Variants in KYNU observed in about 807,000 individuals in gnomAD.
KYNU encodes the protein kynureninase, also known as L-kynurenine hydrolase.
In KYNU, 54 loss-of-function variants were observed where a neutral mutation model predicts 59.2. The observed-to-expected ratio is 0.91, with a 90% CI of 0.73 to 1.14. The LOEUF (loss-of-function observed/expected upper bound fraction) is 1.14, where lower values mean the gene tolerates loss of function less well. KYNU is among the 50% of genes most tolerant of loss of function. The pLI is 0.00. For synonymous variants in KYNU, 177 were observed against 192.0 expected (o/e 0.92, Z 0.65); for missense variants, 567 against 554.4 (o/e 1.02, Z -0.23).
rs867874254 is a variant in KYNU, at chr2:143,007,673, G to A, written c.902+21652G>A. On this transcript the variant is annotated intron_variant, in intron 10 of 13. Transcript: ENST00000264170. ...AGCCAGAGAGAAAGGTCGGGTTACC[G>A]TCAAAGGGAAGCCCATCAGACTAAC... Among the ~76,000 whole-genome samples, 239 of 107,754 alleles carry A rather than the reference G, an allele frequency of 2.2e-3. 10 individuals are homozygous for A. The highest frequency in any genetic ancestry group is 3.8e-3 in the African/African-American group (89 of 23,580). The allele number at this position is 107,754 out of a possible 152,430, so 70.7% of individuals were successfully genotyped here.
At chr2:142,901,039 C>G (rs1364777613) in intron 2 of KYNU, among the ~76,000 whole-genome samples, 6 of 137,918 alleles carry the variant, frequency 4.4e-5, no homozygotes, top group Non-Finnish European at 7.6e-5. Flanking sequence ...GGCGAAAGAG[C>G]GAGACTCCAT....
intron 10 of KYNU, among the ~76,000 whole-genome samples, chr2:143,025,609 C>T (rs971356970): frequency 6.9e-6 from 1 of 145,170 alleles, no homozygotes; most frequent in Non-Finnish European, 1.5e-5. Context: ...AAATTGGGCA[C>T]CTTGTTTTTA....
At chr2:143,038,159 T>C (rs531899413) in intron 12 of KYNU, among the ~76,000 whole-genome samples, 15 of 152,322 alleles carry the variant, frequency 9.8e-5, no homozygotes, top group African/African-American at 3.6e-4. Context: ...TTAAATGTGA[T>C]ACTTCACATA....
In KYNU at chr2:142,981,170, C is replaced by T. The variant is rs531296793; in HGVS notation, c.730-3914C>T. Among the ~76,000 whole-genome samples, 7 of 152,048 alleles carry T rather than the reference C, an allele frequency of 4.6e-5. No homozygotes were observed. The East Asian group carries it at 1.4e-3, about 29-fold the overall frequency. On this transcript the variant is annotated intron_variant, in intron 8 of 13. Transcript: ENST00000264170. Reference sequence around the variant, plus strand: ...TTCAACGTGGTACCACAAATGTGGCCAGAAGGATTTTCATAATGGGATATT... The same window carrying T: ...TTCAACGTGGTACCACAAATGTGGCTAGAAGGATTTTCATAATGGGATATT...
chr2:142,905,327 G>A (rs554313969), intron 2 of KYNU, among the ~76,000 whole-genome samples: 6 of 152,290 alleles, frequency 3.9e-5, no homozygotes, highest in African/African-American at 1.4e-4. Context: ...CAGCTCACAC[G>A]TTTGACAGAC....
At chr2:142,920,911 T>A (rs1682858325) in intron 3 of KYNU, among the ~76,000 whole-genome samples, 1 of 152,190 alleles carries the variant, frequency 6.6e-6, no homozygotes, top group Non-Finnish European at 1.5e-5. Flanking sequence ...AAGTGTTTGC[T>A]CATTATTATT....
chr2:142,971,747 A>G (rs1030849951), intron 8 of KYNU, among the ~76,000 whole-genome samples: 1 of 152,216 alleles, frequency 6.6e-6, no homozygotes, highest in Non-Finnish European at 1.5e-5. Flanking sequence ...AGTCAAGTGG[A>G]CCAGGTTGAT....
At chr2:142,926,636 C>T (rs115401624) in intron 3 of KYNU, among the ~76,000 whole-genome samples, 1 of 152,258 alleles carries the variant, frequency 6.6e-6, no homozygotes, top group Non-Finnish European at 1.5e-5. Flanking sequence ...GTGCGTAGAT[C>T]GCATCTTATG....
chr2:142,980,062 C>G (rs949683108), intron 8 of KYNU, among the ~76,000 whole-genome samples: 1 of 151,970 alleles, frequency 6.6e-6, no homozygotes, highest in African/African-American at 2.4e-5. Flanking sequence ...TTTTCTGGGA[C>G]GGGGTTGGGC....
Position 143,048,949 on chromosome 2 carries a change from T to C in KYNU, c.*6777T>C, listed in dbSNP as rs1250256412. 1.3e-5 allele frequency: 2 copies of C among 152,202 alleles called. No individual in the cohort carries two copies. The highest frequency in any genetic ancestry group is 3.8e-4 in the East Asian group (2 of 5,196). The allele number at this position is 152,202 out of a possible 1,614,324, so 9.4% of individuals were successfully genotyped here. On this transcript the variant is annotated 3_prime_UTR_variant, in exon 14 of 14. Transcript: ENST00000264170. ...GCTCTTAAGGGCTCTTTGTCTTTAA[T>C]GATCCGCATTTTTATTATGATGTGT...
chr2:143,037,380 G>A (rs538068081), intron 12 of KYNU, among the ~76,000 whole-genome samples: 8 of 152,250 alleles, frequency 5.3e-5, no homozygotes, highest in African/African-American at 1.7e-4. Context: ...TATGTGTAGC[G>A]ATAGGTAGAC....
At chr2:142,973,099 A>G (rs1445242541) in intron 8 of KYNU, among the ~76,000 whole-genome samples, 1 of 150,356 alleles carries the variant, frequency 6.7e-6, no homozygotes, top group East Asian at 1.9e-4. Context: ...ATATATACAC[A>G]TTATATATAT....
At chr2:142,896,999 A>C (rs1681900511) in intron 2 of KYNU, among the ~76,000 whole-genome samples, 1 of 152,208 alleles carries the variant, frequency 6.6e-6, no homozygotes. Context: ...TCTAACCATC[A>C]GTCTTAAAGA....
intron 1 of KYNU, chr2:142,881,411 C>T (rs1180556646): frequency 6.6e-6 from 1 of 152,140 alleles, no homozygotes; most frequent in Non-Finnish European, 1.5e-5. Context: ...CCAAAAAGTA[C>T]AAGAATGAAA....
intron 8 of KYNU, among the ~76,000 whole-genome samples, chr2:142,966,477 G>T (rs1365931794): frequency 6.6e-6 from 1 of 152,120 alleles, no homozygotes; most frequent in Admixed American, 6.6e-5. Context: ...ACCTTTTCTG[G>T]GAAATGAAGT....
chr2:143,043,583 T>G lies in KYNU; in HGVS notation c.*1411T>G, dbSNP rs1687114190. On this transcript the variant is annotated 3_prime_UTR_variant, in exon 14 of 14. Coordinates refer to ENST00000264170, the MANE Select transcript of KYNU (RefSeq NM_003937.3). ...TGTACTTACCATGTACCATGTATTGTGCTACATTACTCATGTTATCTCCCT... is the reference window on the plus strand; with the variant it reads ...TGTACTTACCATGTACCATGTATTGGGCTACATTACTCATGTTATCTCCCT... The G allele has an allele frequency of 6.6e-6, 1 of 151,718 alleles. No individual in the cohort carries two copies. The highest frequency in any genetic ancestry group is 2.4e-5 in the African/African-American group (1 of 41,374). 9.4% of individuals were successfully genotyped at this position (151,718 alleles called of 1,614,324 possible). A position where few individuals can be genotyped will look rare whatever the true frequency, so the allele number is the denominator to read the frequency against.
At chr2:142,977,984 AG>A (rs1278589319) in intron 8 of KYNU, among the ~76,000 whole-genome samples, 13 of 152,290 alleles carry the variant, frequency 8.5e-5, no homozygotes, top group African/African-American at 3.1e-4. Context: ...TTAGCACCTA[AG>A]TATGCTTTTG....
intron 4 of KYNU, among the ~76,000 whole-genome samples, chr2:142,937,198 C>T (rs1259732786): frequency 6.6e-6 from 1 of 151,872 alleles, no homozygotes; most frequent in Admixed American, 6.6e-5. Context: ...GCTGGTGTAC[C>T]CTGCTGATAT....
At chr2:142,981,614 G>A (rs1196038145) in intron 8 of KYNU, among the ~76,000 whole-genome samples, 1 of 151,956 alleles carries the variant, frequency 6.6e-6, no homozygotes, top group South Asian at 2.1e-4. Flanking sequence ...TTACAATGGA[G>A]CACTTGTCTT....
Sources: allele counts gnomAD v4.1 joint callset (sites outside exome capture counted in the v4.1 genomes callset), GRCh38; gene constraint gnomAD v4.1.1; transcripts MANE v1.5; gene names NCBI Gene and HGNC (gene_info 2026-07-23, HGNC 2026-07-21).